METTL15: variants seen among roughly 807,000 people sequenced by gnomAD.
METTL15 encodes 12S rRNA N(4)-cytidine methyltransferase METTL15.
METTL15 carries 34 observed loss-of-function variants against 38.3 expected under a neutral mutation model. The ratio of observed to expected loss-of-function variants is 0.89; its 90% confidence interval spans 0.68 to 1.18. The LOEUF (loss-of-function observed/expected upper bound fraction) is 1.18. METTL15 is among the 50% of genes most tolerant of loss of function. METTL15 has a pLI of 0.00. For missense variants in METTL15, 438 were observed against 498.4 expected (o/e 0.88, Z 1.15); for synonymous variants, 162 against 170.9 (o/e 0.95, Z 0.41).
At chr11:28,463,950 G>A (rs1851236400) in intron 6 of METTL15, among the ~76,000 whole-genome samples, 2 of 152,086 alleles carry the variant, frequency 1.3e-5, no homozygotes. Context: ...CCTCATGTCA[G>A]AAACAAAATA....
downstream of METTL15, among the ~76,000 whole-genome samples, chr11:28,337,700 A>C (rs556010708): frequency 1.3e-5 from 2 of 152,018 alleles, no homozygotes; most frequent in Non-Finnish European, 2.9e-5. Context: ...TATTTTTAGT[A>C]TTTTTACTGT....
intron 6 of METTL15, among the ~76,000 whole-genome samples, chr11:28,324,621 A>G (rs1176785221): frequency 6.6e-6 from 1 of 152,222 alleles, no homozygotes; most frequent in Non-Finnish European, 1.5e-5. Context: ...CCATGATCAC[A>G]TTTAGCCAAA....
chr11:28,471,551 T>C (rs757697845), intron 6 of METTL15, among the ~76,000 whole-genome samples: 6 of 152,250 alleles, frequency 3.9e-5, no homozygotes, highest in South Asian at 4.1e-4. Flanking sequence ...ATGCTTCCAA[T>C]TGTAGCCCTC....
At chr11:28,361,083 A>G (rs1850134253) in intron 4 of METTL15, among the ~76,000 whole-genome samples, 1 of 151,540 alleles carries the variant, frequency 6.6e-6, no homozygotes, top group Non-Finnish European at 1.5e-5. Context: ...GGTTGGTTCC[A>G]AGTCTTTGCT....
chr11:28,174,912 A>G (rs997600327), intron 3 of METTL15, among the ~76,000 whole-genome samples: 2 of 150,396 alleles, frequency 1.3e-5, no homozygotes, highest in Non-Finnish European at 3.0e-5. Context: ...TTTCTTTGGA[A>G]TTCTTTTTTT....
downstream of METTL15, among the ~76,000 whole-genome samples, chr11:28,529,442 C>G (rs1220385711): frequency 1.3e-5 from 2 of 151,992 alleles, no homozygotes; most frequent in African/African-American, 4.8e-5. Flanking sequence ...TTCTTCCATA[C>G]TCTCCATACA....
chr11:28,406,587 G>A (rs1850675793), intron 5 of METTL15, among the ~76,000 whole-genome samples: 2 of 152,150 alleles, frequency 1.3e-5, no homozygotes, highest in South Asian at 4.1e-4. Context: ...CTTTTGGGCT[G>A]AGACAATGGG....
At chr11:28,292,991 G>T (rs1054873688) in intron 5 of METTL15, among the ~76,000 whole-genome samples, 4 of 152,010 alleles carry the variant, frequency 2.6e-5, no homozygotes. Context: ...AAAATTTTCT[G>T]CCATTCTGTA....
chr11:28,148,570 T>C (rs1056937821), intron 3 of METTL15, among the ~76,000 whole-genome samples: 1 of 151,926 alleles, frequency 6.6e-6, no homozygotes, highest in Admixed American at 6.6e-5. Flanking sequence ...GTATTTTCCA[T>C]TTTTATAATT....
chr11:28,422,109 A>G (rs966253681), intron 5 of METTL15, among the ~76,000 whole-genome samples: 1 of 152,076 alleles, frequency 6.6e-6, no homozygotes, highest in Non-Finnish European at 1.5e-5. Context: ...ATAAAATTAA[A>G]TAACTAGGAA....
rs997487687 is a variant in METTL15, at chr11:28,397,665, G to T, written c.*359-26634G>T. Among the ~76,000 whole-genome samples the T allele has an allele frequency of 8.6e-5, 13 of 152,038 alleles. 1 individual carries two copies. The highest frequency in any genetic ancestry group is 1.2e-4 in the African/African-American group (5 of 41,400). ...GGGACTGTAAACTAGTTCAACCATT[G>T]TGGAAGTCAGTGTGGCGATTCCTCA... On this transcript the variant is annotated intron_variant and NMD_transcript_variant, in intron 5 of 7. Coordinates refer to the METTL15 transcript ENST00000532947.
intron 5 of METTL15, among the ~76,000 whole-genome samples, chr11:28,363,002 C>A (rs1453205247): frequency 6.6e-6 from 1 of 152,150 alleles, no homozygotes. Flanking sequence ...CTTTTCTTTG[C>A]AGCTTTACCA....
chr11:28,345,270 C>T (rs1849986710), intron 3 of METTL15, among the ~76,000 whole-genome samples: 3 of 152,208 alleles, frequency 2.0e-5, no homozygotes, highest in African/African-American at 7.2e-5. Flanking sequence ...CCTACTGCAA[C>T]CTCCACCTCC....
rs540192174 is a variant in METTL15, at chr11:28,235,456, T to C, written c.407+24258T>C. ...CCCATGAGCATGGAATGCTCTTCCA[T>C]TTGTTTGTATCCTCTTTTATTTCCT... On this transcript the variant is annotated intron_variant, in intron 4 of 6. Coordinates refer to ENST00000407364, the MANE Select transcript of METTL15 (RefSeq NM_001113528.2). Among the ~76,000 whole-genome samples the C allele has an allele frequency of 2.0e-5, 3 of 152,150 alleles. No homozygotes were observed. The South Asian group carries it at 6.2e-4, about 32-fold the overall frequency.
At chr11:28,122,529 C>T (rs893799822) in intron 3 of METTL15, among the ~76,000 whole-genome samples, 10 of 150,542 alleles carry the variant, frequency 6.6e-5, no homozygotes, top group African/African-American at 1.9e-4. Flanking sequence ...TCCATAATGA[C>T]GGGTTAACAT....
At chr11:28,388,535 C>T (rs963180998) in intron 5 of METTL15, among the ~76,000 whole-genome samples, 2 of 152,078 alleles carry the variant, frequency 1.3e-5, no homozygotes, top group Non-Finnish European at 2.9e-5. Flanking sequence ...AACTACAAAA[C>T]GTTGCTGAAA....
intron 4 of METTL15, among the ~76,000 whole-genome samples, chr11:28,248,473 G>T (rs1854604660): frequency 6.6e-6 from 1 of 152,004 alleles, no homozygotes; most frequent in African/African-American, 2.4e-5. Flanking sequence ...ATTCAGGCCA[G>T]TGGATAACTC....
downstream of METTL15, among the ~76,000 whole-genome samples, chr11:28,334,527 A>T (rs962982975): frequency 6.6e-6 from 1 of 152,082 alleles, no homozygotes; most frequent in Non-Finnish European, 1.5e-5. Flanking sequence ...ATAAATATAA[A>T]TTTGAAACTC....
At chr11:28,336,762 T>C (rs1849904323), downstream of METTL15, among the ~76,000 whole-genome samples, 1 of 152,348 alleles carries the variant, frequency 6.6e-6, no homozygotes, top group South Asian at 2.1e-4. Context: ...CAGTACAATA[T>C]ATAATACTTG....
Sources: gnomAD v4.1 joint callset for allele counts (sites outside exome capture counted in the v4.1 genomes callset) on GRCh38, gnomAD v4.1.1 for gene constraint, MANE v1.5 for transcripts, NCBI Gene and HGNC (gene_info 2026-07-23, HGNC 2026-07-21) for gene names.